ZFHX3: variants seen among roughly 807,000 people sequenced by gnomAD.
ZFHX3 encodes the protein zinc finger homeobox protein 3.
ZFHX3 carries 42 observed loss-of-function variants against 279.1 expected under a neutral mutation model. The observed-to-expected ratio is 0.15, with a 90% CI of 0.12 to 0.19. The LOEUF (loss-of-function observed/expected upper bound fraction) is 0.19. Ranked by LOEUF, ZFHX3 falls within the 10% of genes least tolerant of loss-of-function variation. The pLI is 1.00. For synonymous variants in ZFHX3, 2,293 were observed against 1,957.8 expected (o/e 1.17, Z -4.52); for missense variants, 4,981 against 4,754.0 (o/e 1.05, Z -1.40).
intron 1 of ZFHX3, among the ~76,000 whole-genome samples, chr16:73,032,508 G>A (rs890562204): frequency 1.3e-5 from 2 of 152,080 alleles, no homozygotes; most frequent in African/African-American, 2.4e-5. Context: ...CTTCACGAGC[G>A]CATGCGACAA....
At chr16:73,437,587 T>C (rs937954907) in intron 3 of ZFHX3, among the ~76,000 whole-genome samples, 1 of 152,188 alleles carries the variant, frequency 6.6e-6, no homozygotes, top group African/African-American at 2.4e-5. Flanking sequence ...CATTTTGTGT[T>C]ACATCCTTTT....
chr16:73,036,425 A>G (rs933014317), intron 1 of ZFHX3, among the ~76,000 whole-genome samples: 9 of 152,032 alleles, frequency 5.9e-5, no homozygotes, highest in African/African-American at 2.2e-4. Context: ...TTGTGGGGGG[A>G]AAAGGAGTTT....
chr16:73,549,351 A>T (rs548135003), intron 2 of ZFHX3, among the ~76,000 whole-genome samples: 2 of 152,084 alleles, frequency 1.3e-5, no homozygotes, highest in Non-Finnish European at 2.9e-5. Flanking sequence ...TTTCATATAT[A>T]TTTTTATCCA....
At chr16:73,116,816 C>A (rs1304467821) in intron 7 of ZFHX3, among the ~76,000 whole-genome samples, 1 of 152,102 alleles carries the variant, frequency 6.6e-6, no homozygotes, top group Non-Finnish European at 1.5e-5. Flanking sequence ...TATCTCAAAC[C>A]CAGTTTATTC....
chr16:73,278,756 A>C (rs1054599866), intron 4 of ZFHX3, among the ~76,000 whole-genome samples: 2 of 152,076 alleles, frequency 1.3e-5, no homozygotes, highest in African/African-American at 4.8e-5. Flanking sequence ...CAGGGCACTG[A>C]TAGGTGCGTT....
At chr16:73,803,168 C>T (rs184188408) in intron 1 of ZFHX3, among the ~76,000 whole-genome samples, 17 of 152,288 alleles carry the variant, frequency 1.1e-4, no homozygotes, top group Admixed American at 3.3e-4. Flanking sequence ...CAAAAGAAAA[C>T]AGGCAAAGAT....
chr16:72,936,764 A>G (rs1324288022), intron 3 of ZFHX3, among the ~76,000 whole-genome samples: 1 of 152,168 alleles, frequency 6.6e-6, no homozygotes, highest in Admixed American at 6.5e-5. Context: ...ATCTTAAGTG[A>G]GGTGGAAAGC....
In ZFHX3 at chr16:72,950,625, C is replaced by G; in HGVS notation, c.3060G>C (p.Glu1020Asp). 6.2e-7 allele frequency: 1 copy of G among 1,614,210 alleles called. No individual in the cohort carries two copies. The highest frequency in any genetic ancestry group is 8.5e-7 in the Non-Finnish European group (1 of 1,180,042). Residue 1020 changes from glutamate (E) to aspartate (D), a missense_variant, in exon 3 of 10, where the codon GAG becomes GAC. Glu to Asp is a conservative substitution (Grantham distance 45). Coordinates refer to ENST00000268489, the MANE Select transcript of ZFHX3 (RefSeq NM_006885.4). ...QKYQLVAHIK[E>D]GGKANEWRLK... ...GCCTCCACTCGTTGGCCTTGCCGCC[C>G]TCCTTGATGTGGGCCACCAGCTGGT...
chr16:73,152,971 G>C (rs1228147404), intron 5 of ZFHX3, among the ~76,000 whole-genome samples: 1 of 152,126 alleles, frequency 6.6e-6, no homozygotes, highest in South Asian at 2.1e-4. Context: ...TGCAGTTGCT[G>C]TGAAGGGGGA....
At chr16:73,567,764 A>G (rs2020471014) in intron 2 of ZFHX3, among the ~76,000 whole-genome samples, 1 of 152,240 alleles carries the variant, frequency 6.6e-6, no homozygotes, top group Admixed American at 6.5e-5. Flanking sequence ...CTCACAGATC[A>G]TCTTCATGTC....
At chr16:73,262,927 A>G (rs994644177) in intron 4 of ZFHX3, among the ~76,000 whole-genome samples, 9 of 152,166 alleles carry the variant, frequency 5.9e-5, no homozygotes, top group African/African-American at 2.2e-4. Flanking sequence ...GCCGACTGCC[A>G]GACATGTGAG....
In ZFHX3 at chr16:73,185,343, C is replaced by T. The variant is rs371106633; in HGVS notation, c.-1103-41512G>A. Among the ~76,000 whole-genome samples, 62 of 152,264 alleles carry T rather than the reference C, an allele frequency of 4.1e-4. No individual in the cohort carries two copies. In the East Asian group the frequency reaches 7.5e-3, roughly 18 times the overall value. On this transcript the variant is annotated intron_variant, in intron 5 of 17. Coordinates refer to the ZFHX3 transcript ENST00000641206. ...AAGCATTATTCCTGTCCTCATTTTA[C>T]CAAATGGCAACCTGAGGTTCAGGGA... is the stretch of plus-strand genomic sequence containing the variant.
At chr16:72,833,175 G>A (rs547137123) in intron 4 of ZFHX3, among the ~76,000 whole-genome samples, 55 of 152,340 alleles carry the variant, frequency 3.6e-4, no homozygotes, top group Admixed American at 7.8e-4. Context: ...CTGGAAACAC[G>A]TGGGAACCAG....
At chr16:72,833,203 G>T (rs4788663) in intron 4 of ZFHX3, among the ~76,000 whole-genome samples, 1 of 152,182 alleles carries the variant, frequency 6.6e-6, no homozygotes, top group Admixed American at 6.5e-5. Flanking sequence ...ATAGCATCCC[G>T]CTTTGAAACA....
intron 1 of ZFHX3, among the ~76,000 whole-genome samples, chr16:73,774,684 A>G (rs141531148): frequency 1.7e-3 from 256 of 152,340 alleles, no homozygotes; most frequent in Non-Finnish European, 2.7e-3. Flanking sequence ...ACAGCTGGGC[A>G]ACATCACTAA....
At chr16:73,106,803 G>A (rs919283659) in intron 7 of ZFHX3, among the ~76,000 whole-genome samples, 2 of 152,164 alleles carry the variant, frequency 1.3e-5, no homozygotes, top group Non-Finnish European at 2.9e-5. Flanking sequence ...CACCTGTCTA[G>A]AGTTAGTCTG....
At chr16:73,606,650 C>T (rs2052186748) in intron 2 of ZFHX3, among the ~76,000 whole-genome samples, 3 of 152,062 alleles carry the variant, frequency 2.0e-5, no homozygotes, top group South Asian at 4.2e-4. Context: ...TAAACGGTGG[C>T]TGTTAGCTGC....
intron 5 of ZFHX3, among the ~76,000 whole-genome samples, chr16:72,826,953 G>A (rs1198123912): frequency 6.6e-6 from 1 of 152,178 alleles, no homozygotes; most frequent in Non-Finnish European, 1.5e-5. Context: ...GAAACACTCT[G>A]AGTAAGATTT....
chr16:73,434,720 T>C (rs1192683130), intron 3 of ZFHX3, among the ~76,000 whole-genome samples: 1 of 151,850 alleles, frequency 6.6e-6, no homozygotes, highest in Non-Finnish European at 1.5e-5. Flanking sequence ...GGGCTGGGAG[T>C]GCTGGGCTGG....
Sources: gnomAD v4.1 joint callset for allele counts (sites outside exome capture counted in the v4.1 genomes callset) on GRCh38, gnomAD v4.1.1 for gene constraint, MANE v1.5 for transcripts, NCBI Gene and HGNC (gene_info 2026-07-23, HGNC 2026-07-21) for gene names.